Variants in PALS2 observed in about 807,000 individuals in gnomAD.
PALS2 encodes the protein protein associated with LIN7 2, MAGUK p55 family member.
A neutral mutation model predicts 61.6 loss-of-function variants in PALS2; 27 were observed. That is an observed-to-expected ratio of 0.44 (90% CI 0.32 to 0.60). The LOEUF is 0.60. Ranked by LOEUF, PALS2 falls within the 20% of genes least tolerant of loss-of-function variation. PALS2 has a pLI of 0.05. For synonymous variants in PALS2, 236 were observed against 218.6 expected, an observed-to-expected ratio of 1.08 and a Z score of -0.70; for missense variants, 554 against 639.4, an observed-to-expected ratio of 0.87 and a Z score of 1.44.
At chr7:24,577,647 C>T (rs974522989) in intron 1 of PALS2, among the ~76,000 whole-genome samples, 1 of 152,100 alleles carries the variant, frequency 6.6e-6, no homozygotes, top group Non-Finnish European at 1.5e-5. Context: ...TTGCTCCTAA[C>T]TTAGGGCTTT....
At chr7:24,619,753 C>T (rs1251805171) in intron 1 of PALS2, among the ~76,000 whole-genome samples, 1 of 151,410 alleles carries the variant, frequency 6.6e-6, no homozygotes, top group African/African-American at 2.4e-5. Flanking sequence ...AAAAGAATCC[C>T]ATTTATGTGT....
rs762006527 is a variant in PALS2 at position 24,641,790 on chromosome 7, T to G, written c.192T>G (p.Leu64=). ...DNNLELVNEI[L]EDITPLINVD... is the part of the protein sequence containing the mutation. ...ACTTGGAATTAGTCAATGAAATTCT[T>G]GAAGACATCACTCCTCTAATAAATG... Residue 64 remains leucine (L), a synonymous_variant, in exon 3 of 12, where the codon CTT becomes CTG. Coordinates refer to ENST00000222644, the MANE Select transcript of PALS2 (RefSeq NM_001303037.2). The G allele has an allele frequency of 6.2e-7, 1 of 1,613,052 alleles. No homozygotes were observed. Among genetic ancestry groups the G allele is most frequent in the Non-Finnish European group, 8.5e-7 (1 of 1,179,354 alleles).
chr7:24,618,759 C>T lies in PALS2; in HGVS notation c.-2-4907C>T, dbSNP rs1015086806. ...GGCTCGGAGGATGGGATGGCAGAGGCAGGATGCCTCCACGCTGGCCTTGTG... is the reference window on the plus strand; with the variant it reads ...GGCTCGGAGGATGGGATGGCAGAGGTAGGATGCCTCCACGCTGGCCTTGTG... On this transcript the variant is annotated intron_variant, in intron 1 of 11. Coordinates refer to ENST00000222644, the MANE Select transcript of PALS2 (RefSeq NM_001303037.2). This position sits in a 1 kb window ranked among gnomAD's most constrained non-coding sequence, Gnocchi z 5.1. Among the ~76,000 whole-genome samples, 5 of 152,212 alleles carry T rather than the reference C, an allele frequency of 3.3e-5. No individual in the cohort carries two copies. Among genetic ancestry groups the T allele is most frequent in the African/African-American group, 9.6e-5 (4 of 41,462 alleles).
chr7:24,578,344 C>G (rs761873422), intron 1 of PALS2, among the ~76,000 whole-genome samples: 2 of 152,172 alleles, frequency 1.3e-5, no homozygotes, highest in South Asian at 2.1e-4. Context: ...TTTAAAAAAT[C>G]TGAGGTCATG....
intron 1 of PALS2, among the ~76,000 whole-genome samples, chr7:24,606,245 A>G (rs903068575): frequency 1.2e-4 from 19 of 152,176 alleles, no homozygotes; most frequent in African/African-American, 4.3e-4. Flanking sequence ...CTTATGAATC[A>G]AGTATTTTCT....
Position 24,622,270 on chromosome 7 carries a change from C to T in PALS2, c.-2-1396C>T, listed in dbSNP as rs575283268. ...TGTAGGTTAATTTGGGAATTGTTGCCATTTTAATAATAAGTCCTCTGATCC... is the reference window on the plus strand; with the variant it reads ...TGTAGGTTAATTTGGGAATTGTTGCTATTTTAATAATAAGTCCTCTGATCC... On this transcript the variant is annotated intron_variant, in intron 1 of 11. Transcript: ENST00000222644. 5.9e-5 allele frequency among the ~76,000 whole-genome samples: 9 copies of T among 152,066 alleles called. No homozygotes were observed. In the South Asian group the frequency reaches 1.9e-3, roughly 32 times the overall value.
chr7:24,674,930 T>G (rs1322170752), intron 9 of PALS2, among the ~76,000 whole-genome samples: 1 of 152,200 alleles, frequency 6.6e-6, no homozygotes, highest in African/African-American at 2.4e-5. Context: ...CAGCTAAAAT[T>G]GAGAATTTTG....
chr7:24,646,906 C>T (rs1785860897), intron 3 of PALS2, among the ~76,000 whole-genome samples: 1 of 152,012 alleles, frequency 6.6e-6, no homozygotes, highest in African/African-American at 2.4e-5. Flanking sequence ...AGGAATTTAT[C>T]TCTCTTCTAG....
At chr7:24,645,093 C>T (rs898336090) in intron 3 of PALS2, among the ~76,000 whole-genome samples, 18 of 152,118 alleles carry the variant, frequency 1.2e-4, no homozygotes, top group African/African-American at 4.3e-4. Flanking sequence ...GCTCTTTACT[C>T]TGTTGATAGT....
intron 2 of PALS2, among the ~76,000 whole-genome samples, chr7:24,626,912 A>G (rs192106597): frequency 1.2e-3 from 184 of 152,296 alleles, no homozygotes; most frequent in African/African-American, 4.2e-3. Context: ...CTCCCACACC[A>G]TAATAGTCGG....
rs555441511 is a variant in PALS2 at position 24,634,431 on chromosome 7, C to T, written c.118-7285C>T. 8.5e-5 allele frequency among the ~76,000 whole-genome samples: 13 copies of T among 152,214 alleles called. No individual in the cohort carries two copies. The East Asian group carries it at 2.1e-3, about 25-fold the overall frequency. ...ATTTTTAGTAGAAACGGGGTTTCAC[C>T]GTGTTAGCCAGTATGGTCTCGATCT... On this transcript the variant is annotated intron_variant, in intron 2 of 11. Transcript: ENST00000222644.
intron 2 of PALS2, among the ~76,000 whole-genome samples, chr7:24,630,403 C>T (rs1193003750): frequency 1.3e-5 from 2 of 152,002 alleles, no homozygotes; most frequent in African/African-American, 2.4e-5. Context: ...TTGATGGGTG[C>T]AGCAAACCAC....
At position 24,677,553 on chromosome 7, in the gene PALS2, C is replaced by A. The variant is rs933605877; in HGVS notation, c.1115-1578C>A. Among the ~76,000 whole-genome samples, 4 of 151,942 alleles carry A rather than the reference C, an allele frequency of 2.6e-5. No individual in the cohort carries two copies. In the East Asian group the frequency reaches 7.7e-4, roughly 29 times the overall value. ...TATTTTGAGATACGTCCCATCAATA[C>A]CTAATTTATTGAGAGTTTTTAGCAT... On this transcript the variant is annotated intron_variant, in intron 9 of 11. Coordinates refer to ENST00000222644, the MANE Select transcript of PALS2 (RefSeq NM_001303037.2).
chr7:24,639,903 G>A (rs1352044203), intron 2 of PALS2, among the ~76,000 whole-genome samples: 1 of 138,512 alleles, frequency 7.2e-6, no homozygotes, highest in Non-Finnish European at 1.5e-5. Flanking sequence ...TGCAGCCTCC[G>A]CCTCCTGGGT....
chr7:24,675,168 T>G (rs1187734782), intron 9 of PALS2, among the ~76,000 whole-genome samples: 1 of 152,124 alleles, frequency 6.6e-6, no homozygotes, highest in Non-Finnish European at 1.5e-5. Context: ...AGAATTAAGA[T>G]TCCCTCAGCA....
At chr7:24,587,143 A>G (rs970500714) in intron 1 of PALS2, among the ~76,000 whole-genome samples, 2 of 151,978 alleles carry the variant, frequency 1.3e-5, no homozygotes, top group African/African-American at 4.8e-5. Flanking sequence ...TAAAGGATGG[A>G]AAAGTTCTTT....
chr7:24,600,524 G>A (rs1462553615), intron 1 of PALS2, among the ~76,000 whole-genome samples: 1 of 151,966 alleles, frequency 6.6e-6, no homozygotes, highest in East Asian at 1.9e-4. Context: ...TAATTTTTGA[G>A]CCCCAGTTTC....
chr7:24,592,923 G>A (rs1462456914), intron 1 of PALS2, among the ~76,000 whole-genome samples: 1 of 152,028 alleles, frequency 6.6e-6, no homozygotes, highest in Non-Finnish European at 1.5e-5. Context: ...AGTGGCTGTG[G>A]TAATTTCTTA....
chr7:24,662,120 G>T (rs1483847308), intron 5 of PALS2, among the ~76,000 whole-genome samples: 1 of 152,076 alleles, frequency 6.6e-6, no homozygotes, highest in Admixed American at 6.5e-5. Flanking sequence ...CTGATTTAAG[G>T]ATTAATATTT....
Sources: gnomAD v4.1 joint callset for allele counts (sites outside exome capture counted in the v4.1 genomes callset) on GRCh38, gnomAD v4.1.1 for gene constraint, Gnocchi (gnomAD v3.1) non-coding constraint, MANE v1.5 for transcripts, NCBI Gene and HGNC (gene_info 2026-07-23, HGNC 2026-07-21) for gene names.